The following PALM2AKAP2 variants were observed in gnomAD, a reference collection of about 807,000 sequenced individuals.
PALM2AKAP2 encodes the protein PALM2-AKAP2 fusion protein.
A neutral mutation model predicts 71.5 loss-of-function variants in PALM2AKAP2; 37 were observed. The ratio of observed to expected loss-of-function variants is 0.52; its 90% CI spans 0.40 to 0.68. The LOEUF (loss-of-function observed/expected upper bound fraction) is 0.68, where lower values mean the gene tolerates loss of function less well. PALM2AKAP2 is among the 30% of genes least tolerant of loss of function. PALM2AKAP2 has a pLI of 0.00. For synonymous variants in PALM2AKAP2, 468 were observed against 478.8 expected, an observed-to-expected ratio of 0.98 and a Z score of 0.29; for missense variants, 1,224 against 1,191.8, an observed-to-expected ratio of 1.03 and a Z score of -0.40.
At chr9:109,668,455 C>G (rs1011107066) in intron 1 of PALM2AKAP2, among the ~76,000 whole-genome samples, 1 of 152,212 alleles carries the variant, frequency 6.6e-6, no homozygotes, top group Non-Finnish European at 1.5e-5. Context: ...ATATCATGCT[C>G]TCTGTTAGAA....
rs1317731020 is a variant in PALM2AKAP2, at chr9:109,867,489, AG to A, written c.46del. ...TACAGCCTCTGTCTCTTTATTTTCAAGGAAAAAAGAAAGAGGCAGACTGAAA... is the reference window on the plus strand; with the variant it reads ...TACAGCCTCTGTCTCTTTATTTTCAAGAAAAAAGAAAGAGGCAGACTGAAA... On this transcript the variant is annotated splice_acceptor_variant, in intron 1 of 9. Transcript: ENST00000302798. LOFTEE classifies it high-confidence loss of function. 8 of 1,610,980 alleles carry A rather than the reference AG, an allele frequency of 5.0e-6. No homozygotes were observed. In the Admixed American group the frequency reaches 1.2e-4, roughly 24 times the overall value.
Position 109,928,059 on chromosome 9 carries a change from C to T in PALM2AKAP2, c.394+2977C>T, listed in dbSNP as rs117246835. Among the ~76,000 whole-genome samples the T allele has an allele frequency of 3.8e-3, 571 of 152,242 alleles. 4 individuals carry two copies. Among genetic ancestry groups the T allele is most frequent in the East Asian group, 0.029 (148 of 5,174 alleles). On this transcript the variant is annotated intron_variant, in intron 5 of 9. Coordinates refer to the PALM2AKAP2 transcript ENST00000302798. ...CATCAAAACCTTCATACCAGTTATT[C>T]GCAAACCTCAATCTTCAGTTGCCTG...
intron 1 of PALM2AKAP2, among the ~76,000 whole-genome samples, chr9:109,810,702 A>G (rs1376739364): frequency 6.6e-6 from 1 of 152,146 alleles, no homozygotes; most frequent in Non-Finnish European, 1.5e-5. Context: ...GGATACTTTT[A>G]GAGATATGAC....
At chr9:109,871,388 A>G (rs1407386515) in intron 2 of PALM2AKAP2, among the ~76,000 whole-genome samples, 1 of 152,216 alleles carries the variant, frequency 6.6e-6, no homozygotes, top group Non-Finnish European at 1.5e-5. Context: ...GTATTTTTAA[A>G]GCATCCTTAG....
chr9:109,761,569 G>A (rs531512590), intron 1 of PALM2AKAP2, among the ~76,000 whole-genome samples: 8 of 152,180 alleles, frequency 5.3e-5, no homozygotes, highest in African/African-American at 1.9e-4. Flanking sequence ...GTTCACCTCC[G>A]TGTGTCCACG....
At chr9:109,863,546 G>A (rs1260416549) in intron 1 of PALM2AKAP2, among the ~76,000 whole-genome samples, 1 of 152,178 alleles carries the variant, frequency 6.6e-6, no homozygotes, top group Non-Finnish European at 1.5e-5. Context: ...GAGTTGTAGA[G>A]TGGATGAGAA....
chr9:109,993,681 A>G (rs1362543213), intron 6 of PALM2AKAP2, among the ~76,000 whole-genome samples: 1 of 150,572 alleles, frequency 6.6e-6, no homozygotes, highest in Non-Finnish European at 1.5e-5. Flanking sequence ...CCCTCACACC[A>G]CTATTCTCTC....
At chr9:110,064,568 A>G (rs1834033989) in intron 1 of PALM2AKAP2, among the ~76,000 whole-genome samples, 1 of 152,218 alleles carries the variant, frequency 6.6e-6, no homozygotes, top group African/African-American at 2.4e-5. Flanking sequence ...GTATGTCCTC[A>G]GCAGAAGCCA....
intron 1 of PALM2AKAP2, among the ~76,000 whole-genome samples, chr9:109,766,785 C>T (rs1369737944): frequency 1.3e-5 from 2 of 152,140 alleles, no homozygotes; most frequent in Non-Finnish European, 2.9e-5. Flanking sequence ...CTCATGAACC[C>T]CATAATGTAG....
intron 7 of PALM2AKAP2, among the ~76,000 whole-genome samples, chr9:110,017,818 C>T (rs1373236325): frequency 2.0e-5 from 3 of 151,826 alleles, no homozygotes; most frequent in Non-Finnish European, 4.4e-5. Flanking sequence ...ACATCCGCCT[C>T]CTGGGTTCAA....
chr9:109,698,444 A>C (rs2118570690), intron 1 of PALM2AKAP2, among the ~76,000 whole-genome samples: 1 of 152,070 alleles, frequency 6.6e-6, no homozygotes, highest in South Asian at 2.1e-4. Context: ...CGCCTGGCTA[A>C]TATTTTGTAT....
chr9:110,149,335 G>A (rs575530710), intron 2 of PALM2AKAP2, among the ~76,000 whole-genome samples: 177 of 152,310 alleles, frequency 1.2e-3, no homozygotes, highest in African/African-American at 4.2e-3. Context: ...GGTATGCACC[G>A]CCTGGGATGA....
intron 1 of PALM2AKAP2, among the ~76,000 whole-genome samples, chr9:109,649,911 T>C (rs900714243): frequency 6.6e-6 from 1 of 152,182 alleles, no homozygotes; most frequent in Non-Finnish European, 1.5e-5. Flanking sequence ...TGTGTGTGAG[T>C]TGCGGGAGGG....
intron 1 of PALM2AKAP2, among the ~76,000 whole-genome samples, chr9:110,055,504 C>T (rs1441494116): frequency 6.6e-6 from 1 of 152,114 alleles, no homozygotes; most frequent in African/African-American, 2.4e-5. Context: ...GGGAAGGGGC[C>T]TCTTTTGGTG....
intron 2 of PALM2AKAP2, among the ~76,000 whole-genome samples, chr9:109,872,435 G>C (rs909938078): frequency 6.6e-6 from 1 of 152,126 alleles, no homozygotes; most frequent in African/African-American, 2.4e-5. Context: ...ACTGCAACAT[G>C]AATTCCTTGG....
At chr9:109,787,926 A>C (rs1487241678) in intron 1 of PALM2AKAP2, among the ~76,000 whole-genome samples, 1 of 152,238 alleles carries the variant, frequency 6.6e-6, no homozygotes, top group Non-Finnish European at 1.5e-5. Context: ...CTGTGAAGTA[A>C]GCCTATCAGC....
chr9:109,971,679 G>A (rs776040988), intron 6 of PALM2AKAP2, among the ~76,000 whole-genome samples: 9 of 152,152 alleles, frequency 5.9e-5, no homozygotes, highest in Non-Finnish European at 1.0e-4. Context: ...GACTGCCTCA[G>A]CCTCCCAGAG....
chr9:110,086,098 C>T (rs1588099336), intron 1 of PALM2AKAP2, among the ~76,000 whole-genome samples: 1 of 140,696 alleles, frequency 7.1e-6, no homozygotes, highest in African/African-American at 2.8e-5. Flanking sequence ...AAGAGTGAGA[C>T]TCCATCTCAA....
rs138493045 is a variant in PALM2AKAP2 at position 109,814,317 on chromosome 9, C to T, written c.45+33784C>T. On this transcript the variant is annotated intron_variant, in intron 1 of 9. Coordinates refer to the PALM2AKAP2 transcript ENST00000302798. ...CCTGCTTTTAAATATATACTTAATG[C>T]ACAAGTGTCAATGATATAGTTTTCA... 2.4e-3 allele frequency among the ~76,000 whole-genome samples: 371 copies of T among 152,280 alleles called. 3 individuals carry two copies. Among genetic ancestry groups the T allele is most frequent in the Admixed American group, 4.4e-3 (67 of 15,292 alleles).
Sources: gnomAD v4.1 joint callset for allele counts (sites outside exome capture counted in the v4.1 genomes callset) on GRCh38, gnomAD v4.1.1 for gene constraint, MANE v1.5 for transcripts, NCBI Gene and HGNC (gene_info 2026-07-23, HGNC 2026-07-21) for gene names.